The following ZC3H6 variants were observed in gnomAD, a reference collection of about 807,000 sequenced individuals.
The protein encoded by ZC3H6 is zinc finger CCCH-type containing 6, also known as zinc finger CCCH domain-containing protein 6.
ZC3H6 carries 40 observed loss-of-function variants against 107.7 expected under a neutral mutation model. The ratio of observed to expected loss-of-function variants is 0.37; its 90% CI spans 0.29 to 0.48. The LOEUF (loss-of-function observed/expected upper bound fraction) is 0.48. Ranked by LOEUF, ZC3H6 falls within the 20% of genes least tolerant of loss-of-function variation. The pLI is 0.98. For missense variants in ZC3H6, 1,267 were observed against 1,410.4 expected, an observed-to-expected ratio of 0.90 and a Z score of 1.63; for synonymous variants, 493 against 487.9, an observed-to-expected ratio of 1.01 and a Z score of -0.14.
At chr2:112,310,327 TATTTC>T (rs1420786131) in intron 4 of ZC3H6, among the ~76,000 whole-genome samples, 166 bp downstream of exon 4, 1 of 152,232 alleles carries the variant, frequency 6.6e-6, no homozygotes, top group Non-Finnish European at 1.5e-5. Context: ...AATCTACAAA[TATTTC>T]AATCTGTATG....
intron 7 of ZC3H6, among the ~76,000 whole-genome samples, chr2:112,319,867 A>T (rs942006430): frequency 7.9e-5 from 12 of 152,300 alleles, no homozygotes; most frequent in African/African-American, 2.9e-4. Context: ...TATGGCATAA[A>T]GCCTTTCAGA....
At chr2:112,276,096 G>C in intron 1 of ZC3H6, 70 bp downstream of exon 1, 1 of 1,452,820 alleles carries the variant, frequency 6.9e-7, no homozygotes, top group Non-Finnish European at 9.4e-7. Context: ...GAGCGGGCCG[G>C]GGCCGGGCGC....
intron 3 of ZC3H6, among the ~76,000 whole-genome samples, chr2:112,307,751 G>A (rs1161711431): frequency 1.3e-5 from 2 of 152,168 alleles, no homozygotes; most frequent in African/African-American, 4.8e-5. Flanking sequence ...GGGATGGAAC[G>A]TGCATTCTTA....
intron 1 of ZC3H6, among the ~76,000 whole-genome samples, chr2:112,281,051 A>G (rs1450132766): frequency 6.6e-6 from 1 of 152,214 alleles, no homozygotes; most frequent in African/African-American, 2.4e-5. Context: ...GGAATACAGC[A>G]ATAAAGAAAA....
At chr2:112,302,423 G>A (rs541071565) in intron 2 of ZC3H6, among the ~76,000 whole-genome samples, 2 of 152,126 alleles carry the variant, frequency 1.3e-5, no homozygotes, top group African/African-American at 2.4e-5. Flanking sequence ...GAAAAACAGA[G>A]CCTTCCCTTG....
At chr2:112,315,286 A>G (rs1676677116) in intron 5 of ZC3H6, among the ~76,000 whole-genome samples, 1 of 152,224 alleles carries the variant, frequency 6.6e-6, no homozygotes, top group African/African-American at 2.4e-5. Flanking sequence ...TAGGGGACTC[A>G]GGAGAAGTAA....
intron 1 of ZC3H6, among the ~76,000 whole-genome samples, chr2:112,288,413 G>A (rs1362601467): frequency 3.9e-5 from 6 of 152,194 alleles, no homozygotes; most frequent in Non-Finnish European, 5.9e-5. Context: ...AGCTTTCGTT[G>A]AGGGCTATCT....
rs1276921021 is a variant in ZC3H6 at position 112,275,966 on chromosome 2, C to T, written c.-29C>T. ...CCGCCGCCGGCCTCGCAGACCTGCC[C>T]TCCAGCCCCGCCCCGTTCTTGACCA... On this transcript the variant is annotated 5_prime_UTR_variant, in exon 1 of 12. Coordinates refer to ENST00000409871, the MANE Select transcript of ZC3H6 (RefSeq NM_198581.3). 12 of 1,525,894 alleles carry T rather than the reference C, an allele frequency of 7.9e-6. No individual in the cohort carries two copies. The highest frequency in any genetic ancestry group is 3.5e-6 in the Non-Finnish European group (4 of 1,136,268). 94.5% of individuals were successfully genotyped at this position (1,525,894 alleles called of 1,614,324 possible).
Position 112,299,904 on chromosome 2 carries a change from C to T in ZC3H6, c.88C>T (p.Gln30Ter). ...EIDDAGFEEIQEKEAKENEKQ... is the reference protein window; with the variant it reads ...EIDDAGFEEI ...AGACGATGCAGGATTTGAAGAAATA[C>T]AAGAAAAAGAAGCAAAAGAGAATGA... Residue 30 changes from glutamine to a stop codon, truncating the protein, a stop_gained, in exon 2 of 12, where the codon CAA (glutamine) becomes TAA (stop). Transcript: ENST00000409871. LOFTEE classifies it high-confidence loss of function. 1 of 1,472,504 alleles carries T rather than the reference C, an allele frequency of 6.8e-7. No homozygotes were observed. Among genetic ancestry groups the T allele is most frequent in the Non-Finnish European group, 9.0e-7 (1 of 1,110,600 alleles). 91.2% of individuals were successfully genotyped at this position (1,472,504 alleles called of 1,614,324 possible). A position where few individuals can be genotyped will look rare whatever the true frequency, so the allele number is the denominator to read the frequency against.
chr2:112,287,153 A>G (rs1293564189), intron 1 of ZC3H6, among the ~76,000 whole-genome samples: 1 of 151,886 alleles, frequency 6.6e-6, no homozygotes, highest in African/African-American at 2.4e-5. Flanking sequence ...CACCTAGAAG[A>G]TTATTTTCTG....
Position 112,325,198 on chromosome 2 carries a change from G to A in ZC3H6, c.2086+1G>A, listed in dbSNP as rs769052816. ...CATAGGGCACCAAGCAAGGAAGAAG[G>A]TGTGTCAGAAGTTATTAATAGCATC... On this transcript the variant is annotated splice_donor_variant, in intron 11 of 11. Transcript: ENST00000409871. LOFTEE classifies it high-confidence loss of function. 2.5e-6 allele frequency: 4 copies of A among 1,613,612 alleles called. No individual in the cohort carries two copies. The highest frequency in any genetic ancestry group is 1.7e-5 in the Admixed American group (1 of 59,978).
At chr2:112,306,784 G>T (rs989722970) in intron 3 of ZC3H6, among the ~76,000 whole-genome samples, 4 of 152,122 alleles carry the variant, frequency 2.6e-5, no homozygotes, top group Non-Finnish European at 5.9e-5. Context: ...TGAGGATGGG[G>T]TTTACTAAGC....
chr2:112,295,482 G>C (rs1458093516), intron 1 of ZC3H6, among the ~76,000 whole-genome samples: 4 of 152,034 alleles, frequency 2.6e-5, no homozygotes, highest in Non-Finnish European at 5.9e-5. Context: ...ACATTACTAG[G>C]TGTTCAATTA....
At chr2:112,298,975 TAAAA>T (rs561736494) in intron 1 of ZC3H6, among the ~76,000 whole-genome samples, 3 of 151,960 alleles carry the variant, frequency 2.0e-5, no homozygotes, top group Admixed American at 6.6e-5. Context: ...GAAATAAAAA[TAAAA>T]AAAGAATAAT....
rs774917521 is a variant in ZC3H6, at chr2:112,331,856, G to A, written c.2938G>A (p.Glu980Lys). 1.2e-6 allele frequency: 2 copies of A among 1,613,892 alleles called. No homozygotes were observed. Among genetic ancestry groups the A allele is most frequent in the Non-Finnish European group, 1.7e-6 (2 of 1,179,880 alleles). ...DPRLHRLPNT[E>K]SHQVVMKDSH... The stretch of plus-strand genomic sequence containing the variant: ...TAGGCTTCACAGACTGCCCAATACA[G>A]AGTCTCATCAAGTGGTTATGAAGGA... Residue 980 changes from glutamate (E) to lysine (K), a missense_variant, in exon 12 of 12, where the codon GAG (glutamate) becomes AAG (lysine). Around this residue, in one of 3 missense-constraint regions of ZC3H6, gnomAD observed 925 missense variants for 1,025.7 expected, o/e 0.90. Transcript: ENST00000409871.
intron 7 of ZC3H6, among the ~76,000 whole-genome samples, chr2:112,318,301 T>C (rs966562905): frequency 4.6e-5 from 7 of 152,300 alleles, no homozygotes; most frequent in Non-Finnish European, 5.9e-5. Context: ...GATTGAAATT[T>C]TGACTCCATG....
At chr2:112,330,634 C>A (rs1256596855) in intron 11 of ZC3H6, among the ~76,000 whole-genome samples, 1 of 152,182 alleles carries the variant, frequency 6.6e-6, no homozygotes, top group Non-Finnish European at 1.5e-5. Context: ...CAGCCCACCA[C>A]ACATACAACA....
chr2:112,337,880 T>G lies in ZC3H6; in HGVS notation c.*5392T>G, dbSNP rs1435944514. 2 of 152,032 alleles carry G rather than the reference T, an allele frequency of 1.3e-5. No homozygotes were observed. The highest frequency in any genetic ancestry group is 2.9e-5 in the Non-Finnish European group (2 of 67,998). The allele number at this position is 152,032 out of a possible 1,614,324, so 9.4% of individuals were successfully genotyped here. ...CAAGTGATCCACCAGTCTTGGCCTC[T>G]CAAAGTGCTGGGATCACAGGCATGA... On this transcript the variant is annotated 3_prime_UTR_variant, in exon 12 of 12. Transcript: ENST00000409871.
intron 1 of ZC3H6, among the ~76,000 whole-genome samples, chr2:112,295,017 T>C: frequency 7.1e-6 from 1 of 141,658 alleles, no homozygotes; most frequent in African/African-American, 2.7e-5. Context: ...TCATTACCAC[T>C]ATTTAATTTT....
Sources: allele counts gnomAD v4.1 joint callset (sites outside exome capture counted in the v4.1 genomes callset), GRCh38; gene constraint gnomAD v4.1.1; regional missense constraint gnomAD v4.1.1; transcripts MANE v1.5; gene names NCBI Gene and HGNC (gene_info 2026-07-23, HGNC 2026-07-21).